The following CNTNAP5 variants were observed in gnomAD, a reference collection of about 807,000 sequenced individuals.
CNTNAP5 encodes the protein contactin associated protein family member 5.
CNTNAP5 carries 72 observed loss-of-function variants against 150.2 expected under a neutral mutation model. The ratio of observed to expected loss-of-function variants is 0.48; its 90% CI spans 0.40 to 0.58. The LOEUF is 0.58. Among genes scored for constraint, CNTNAP5 ranks in the 20% least tolerant of loss-of-function variants. CNTNAP5 has a pLI of 0.00. For missense variants in CNTNAP5, 1,636 were observed against 1,626.2 expected, an observed-to-expected ratio of 1.01 and a Z score of -0.10; for synonymous variants, 672 against 619.8, an observed-to-expected ratio of 1.08 and a Z score of -1.25.
At chr2:124,721,504 A>AATAAATAAATAC (rs1680047935) in intron 13 of CNTNAP5, among the ~76,000 whole-genome samples, 1 of 149,684 alleles carries the variant, frequency 6.7e-6, no homozygotes. Context: ...TAAATAAATA[A>AATAAATAAATAC]ATAAATACAT....
intron 3 of CNTNAP5, among the ~76,000 whole-genome samples, chr2:124,335,618 C>G (rs1689449958): frequency 6.7e-6 from 1 of 149,590 alleles, no homozygotes; most frequent in Non-Finnish European, 1.5e-5. Flanking sequence ...AAAGACCAGT[C>G]CATACAAATG....
chr2:124,705,956 A>ACTC (rs973922311), intron 13 of CNTNAP5, among the ~76,000 whole-genome samples: 21 of 151,902 alleles, frequency 1.4e-4, no homozygotes, highest in Admixed American at 1.3e-4. Flanking sequence ...TTTCTCCTTC[A>ACTC]CTCTAGGCCT....
At chr2:124,339,692 T>G (rs780550259) in intron 3 of CNTNAP5, among the ~76,000 whole-genome samples, 1 of 152,174 alleles carries the variant, frequency 6.6e-6, no homozygotes, top group African/African-American at 2.4e-5. Flanking sequence ...AAGAGTTTAA[T>G]TGATGTGCGG....
Position 124,410,232 on chromosome 2 carries a change from G to T in CNTNAP5, c.382-7211G>T, listed in dbSNP as rs1366485054. On this transcript the variant is annotated intron_variant, in intron 3 of 23. Transcript: ENST00000682447. Reference sequence around the variant, plus strand: ...AGGAGCACCCAGATTCATAAAGCAAGTCCTGAGTGACCTACAAAGAGACTT... The same window carrying T: ...AGGAGCACCCAGATTCATAAAGCAATTCCTGAGTGACCTACAAAGAGACTT... Among the ~76,000 whole-genome samples, 148 of 148,068 alleles carry T rather than the reference G, an allele frequency of 1.0e-3. 1 individual carries two copies. The highest frequency in any genetic ancestry group is 3.4e-3 in the African/African-American group (139 of 40,616).
intron 1 of CNTNAP5, among the ~76,000 whole-genome samples, chr2:124,102,819 C>T (rs1311042454): frequency 6.6e-6 from 1 of 152,168 alleles, no homozygotes; most frequent in Non-Finnish European, 1.5e-5. Flanking sequence ...GATAAATGAG[C>T]TGAATCAGGT....
intron 6 of CNTNAP5, among the ~76,000 whole-genome samples, chr2:124,450,860 T>A (rs1692951064): frequency 6.6e-6 from 1 of 150,970 alleles, no homozygotes; most frequent in Non-Finnish European, 1.5e-5. Flanking sequence ...GTTGAAAACA[T>A]ATTTGAAAAA....
At chr2:124,900,181 T>C (rs1413485548) in intron 21 of CNTNAP5, among the ~76,000 whole-genome samples, 1 of 151,486 alleles carries the variant, frequency 6.6e-6, no homozygotes, top group East Asian at 1.9e-4. Context: ...TAGAAATAAT[T>C]CTTCGACAAC....
chr2:124,228,963 C>A (rs1281743179), intron 2 of CNTNAP5, among the ~76,000 whole-genome samples: 3 of 152,152 alleles, frequency 2.0e-5, no homozygotes, highest in Non-Finnish European at 2.9e-5. Context: ...AGCTCCCCTG[C>A]AAGTTTTTGG....
At chr2:124,682,754 C>T (rs1679098436) in intron 13 of CNTNAP5, among the ~76,000 whole-genome samples, 1 of 152,068 alleles carries the variant, frequency 6.6e-6, no homozygotes, top group Non-Finnish European at 1.5e-5. Flanking sequence ...CCTCAATCTG[C>T]AATTCTGGAA....
intron 3 of CNTNAP5, among the ~76,000 whole-genome samples, chr2:124,369,017 A>G (rs1018507828): frequency 6.6e-6 from 1 of 152,140 alleles, no homozygotes; most frequent in Non-Finnish European, 1.5e-5. Flanking sequence ...AAATAGTTGG[A>G]TAGCTGAGAG....
intron 13 of CNTNAP5, among the ~76,000 whole-genome samples, chr2:124,712,606 CT>C (rs1558746118): frequency 2.0e-5 from 3 of 152,158 alleles, no homozygotes; most frequent in Non-Finnish European, 4.4e-5. Context: ...AAATTAATTT[CT>C]CACAGTTTTA....
At chr2:124,064,737 A>C (rs1039443002) in intron 1 of CNTNAP5, among the ~76,000 whole-genome samples, 2 of 152,028 alleles carry the variant, frequency 1.3e-5, no homozygotes, top group African/African-American at 4.8e-5. Flanking sequence ...CGTGACTACC[A>C]CTGGGCTTCA....
chr2:124,536,685 G>A (rs1695238355), intron 10 of CNTNAP5, among the ~76,000 whole-genome samples: 1 of 152,106 alleles, frequency 6.6e-6, no homozygotes, highest in South Asian at 2.1e-4. Context: ...GGAGACATGG[G>A]CTTGGGTAGC....
chr2:124,118,245 T>C (rs1036610), intron 1 of CNTNAP5, among the ~76,000 whole-genome samples: 20,635 of 152,196 alleles, frequency 0.14, 1,499 homozygotes, highest in Middle Eastern at 0.23. Context: ...CACACACATA[T>C]ACAAAGCCTA....
At chr2:124,230,657 G>A (rs1461228628) in intron 2 of CNTNAP5, among the ~76,000 whole-genome samples, 1 of 151,722 alleles carries the variant, frequency 6.6e-6, no homozygotes, top group East Asian at 1.9e-4. Context: ...TCAGCCTCCT[G>A]AGTAGCTGGG....
At chr2:124,755,260 A>G (rs765025672) in intron 14 of CNTNAP5, among the ~76,000 whole-genome samples, 2 of 152,150 alleles carry the variant, frequency 1.3e-5, no homozygotes, top group Non-Finnish European at 2.9e-5. Context: ...TTATCTGTCA[A>G]GCCTTATAAA....
At chr2:124,206,208 C>G (rs1685858982) in intron 1 of CNTNAP5, among the ~76,000 whole-genome samples, 1 of 152,160 alleles carries the variant, frequency 6.6e-6, no homozygotes, top group South Asian at 2.1e-4. Flanking sequence ...TGACCTTGAG[C>G]AAGTTACTTA....
chr2:124,577,765 T>A (rs1696319462), intron 11 of CNTNAP5, among the ~76,000 whole-genome samples: 1 of 152,138 alleles, frequency 6.6e-6, no homozygotes, highest in African/African-American at 2.4e-5. Context: ...ATGCTGGACT[T>A]GAGCCAAACC....
intron 2 of CNTNAP5, among the ~76,000 whole-genome samples, chr2:124,229,308 G>T (rs1204219475): frequency 6.6e-6 from 1 of 152,084 alleles, no homozygotes; most frequent in Non-Finnish European, 1.5e-5. Context: ...ACAGCTGTTG[G>T]GCTGTAGGTA....
Sources: allele counts gnomAD v4.1 joint callset (sites outside exome capture counted in the v4.1 genomes callset), GRCh38; gene constraint gnomAD v4.1.1; transcripts MANE v1.5; gene names NCBI Gene and HGNC (gene_info 2026-07-23, HGNC 2026-07-21).